GABRR2: variants seen among roughly 807,000 people sequenced by gnomAD.
GABRR2 encodes the protein gamma-aminobutyric acid type A receptor subunit rho2, also known as gamma-aminobutyric acid receptor subunit rho-2.
In GABRR2, 36 loss-of-function variants were observed where a neutral mutation model predicts 47.0. The ratio of observed to expected loss-of-function variants is 0.77; its 90% CI spans 0.59 to 1.01. GABRR2 has a LOEUF of 1.01. Ranked by LOEUF, GABRR2 falls within the 50% of genes least tolerant of loss-of-function variation. The pLI, the probability that GABRR2 is intolerant of heterozygous loss-of-function variation, is 0.00. For missense variants in GABRR2, 587 were observed against 594.6 expected (o/e 0.99, Z 0.13); for synonymous variants, 204 against 227.5 (o/e 0.90, Z 0.93).
At chr6:89,308,178 G>A (rs974950167) in intron 1 of GABRR2, among the ~76,000 whole-genome samples, 3 of 152,132 alleles carry the variant, frequency 2.0e-5, no homozygotes, top group African/African-American at 7.2e-5. Context: ...GAAAGTGATG[G>A]TTTCCTCTCT....
At chr6:89,306,651 G>A (rs142139333) in intron 1 of GABRR2, among the ~76,000 whole-genome samples, 102 of 152,280 alleles carry the variant, frequency 6.7e-4, no homozygotes, top group African/African-American at 2.3e-3. Flanking sequence ...CCAGGTGACG[G>A]CAAAGGAGTG....
intron 2 of GABRR2, among the ~76,000 whole-genome samples, chr6:89,275,762 T>C (rs1308090110): frequency 6.6e-6 from 1 of 152,154 alleles, no homozygotes; most frequent in Admixed American, 6.6e-5. Flanking sequence ...GGGACAGGAT[T>C]AGGGCCCAAG....
chr6:89,291,479 C>G (rs114310069), intron 2 of GABRR2, among the ~76,000 whole-genome samples: 1 of 152,036 alleles, frequency 6.6e-6, no homozygotes, highest in Non-Finnish European at 1.5e-5. Flanking sequence ...TGTCTACACA[C>G]GCACACACTA....
intron 6 of GABRR2, among the ~76,000 whole-genome samples, chr6:89,266,820 CTCTT>C (rs1348413431): frequency 2.0e-5 from 3 of 152,062 alleles, no homozygotes; most frequent in Admixed American, 2.0e-4. Context: ...CTATTTCTCT[CTCTT>C]TATTTTTTTG....
Position 89,271,663 on chromosome 6 carries a change from C to T in GABRR2, c.280G>A (p.Val94Met). 6.2e-7 allele frequency: 1 copy of T among 1,611,484 alleles called. No homozygotes were observed. The highest frequency in any genetic ancestry group is 8.5e-7 in the Non-Finnish European group (1 of 1,178,926). The change falls in exon 3 of 9, where the codon GTG becomes ATG. Residue 94 changes from valine (V) to methionine (M), a missense_variant. Coordinates refer to ENST00000402938, the MANE Select transcript of GABRR2 (RefSeq NM_002043.5). ...TGGAGGCCGCTGCATACCATGTCCA[C>T]CTCGGAGATGCTGTCCAGGCTCTCC... The part of the protein sequence containing the change: ...QVESLDSISE[V>M]DMDFTMTLYL...
intron 3 of GABRR2, among the ~76,000 whole-genome samples, chr6:89,269,643 G>A (rs1031407743): frequency 7.9e-5 from 12 of 152,186 alleles, no homozygotes; most frequent in African/African-American, 2.9e-4. Flanking sequence ...ATTGTCGAAT[G>A]TCTCTCTTAG....
chr6:89,258,728 T>TA (rs58430523), intron 8 of GABRR2, among the ~76,000 whole-genome samples: 17,700 of 140,264 alleles, frequency 0.13, 1,432 homozygotes, highest in African/African-American at 0.23. Context: ...CTCTTTTTTT[T>TA]AAAAAAAAAA....
intron 1 of GABRR2, among the ~76,000 whole-genome samples, chr6:89,304,063 A>G (rs1289215068): frequency 1.3e-5 from 2 of 152,230 alleles, no homozygotes; most frequent in Non-Finnish European, 2.9e-5. Context: ...TTCATGATGG[A>G]GACACCAAAA....
chr6:89,301,982 C>A, intron 1 of GABRR2: 2 of 777,078 alleles, frequency 2.6e-6, no homozygotes, highest in South Asian at 1.5e-5. Context: ...ATTCGTCGAC[C>A]TGGAGCCCGG....
Position 89,263,901 on chromosome 6 carries a change from A to C in GABRR2, c.1086+511T>G, listed in dbSNP as rs1773813909. 2.6e-5 allele frequency among the ~76,000 whole-genome samples: 4 copies of C among 152,182 alleles called. No homozygotes were observed. The South Asian group carries it at 8.3e-4, about 32-fold the overall frequency. On this transcript the variant is annotated intron_variant, in intron 8 of 8. Transcript: ENST00000402938. The stretch of plus-strand genomic sequence containing the variant: ...TTAAAGAAATATATATAAGGTATTT[A>C]GCTTTAGTCCTTACTGTGGCTGAAT...
At chr6:89,267,967 G>T (rs1207817955) in intron 5 of GABRR2, 47 bp downstream of exon 5, 2 of 1,588,480 alleles carry the variant, frequency 1.3e-6, no homozygotes. Flanking sequence ...ATGGCACAAA[G>T]ATCAGAGAGG....
intron 7 of GABRR2, 134 bp from the exon 8 acceptor site, chr6:89,264,742 G>A: frequency 8.6e-7 from 1 of 1,162,706 alleles, no homozygotes; most frequent in Non-Finnish European, 1.2e-6. Flanking sequence ...ACCTCGGAGA[G>A]GGGCAAGGAT....
At chr6:89,268,906 C>T (rs1215548620) in intron 4 of GABRR2, 105 bp downstream of exon 4, 20 of 977,946 alleles carry the variant, frequency 2.0e-5, no homozygotes, top group Non-Finnish European at 3.0e-5. Context: ...CTCCCATCCA[C>T]GAACCCACAG....
intron 2 of GABRR2, among the ~76,000 whole-genome samples, chr6:89,280,666 G>A (rs1177605827): frequency 1.3e-5 from 2 of 152,192 alleles, no homozygotes; most frequent in African/African-American, 2.4e-5. Context: ...CAGCAGAGTG[G>A]GCGGAAATAG....
chr6:89,280,577 C>T (rs1263230945), intron 2 of GABRR2, among the ~76,000 whole-genome samples: 2 of 152,130 alleles, frequency 1.3e-5, no homozygotes, highest in African/African-American at 4.8e-5. Flanking sequence ...CTCCACAGGC[C>T]CTAACAAGGG....
Position 89,315,272 on chromosome 6 carries a change from C to T in GABRR2, c.-107G>A, listed in dbSNP as rs1767743381. On this transcript the variant is annotated 5_prime_UTR_variant, in exon 1 of 9. Coordinates refer to ENST00000402938, the MANE Select transcript of GABRR2 (RefSeq NM_002043.5). ...ATCTGCTGCCTCCTGACGGGCTGCTCTGAGGGGCTGTGAGGGCAAGGCTGG... is the reference window on the plus strand; with the variant it reads ...ATCTGCTGCCTCCTGACGGGCTGCTTTGAGGGGCTGTGAGGGCAAGGCTGG... 6.3e-7 allele frequency: 1 copy of T among 1,583,318 alleles called. No homozygotes were observed. Among genetic ancestry groups the T allele is most frequent in the African/African-American group, 1.3e-5 (1 of 74,098 alleles).
rs188443696 is a variant in GABRR2 at position 89,293,970 on chromosome 6, A to G, written c.220+5789T>C. Among the ~76,000 whole-genome samples the G allele has an allele frequency of 3.2e-4, 49 of 152,290 alleles. No homozygotes were observed. In the East Asian group the frequency reaches 9.4e-3, roughly 29 times the overall value. On this transcript the variant is annotated intron_variant, in intron 2 of 8. Transcript: ENST00000402938. The stretch of plus-strand genomic sequence containing the variant: ...ATTATTAGGAAGCTGACAGATTTTT[A>G]ATCTTTTCTCTTTCTAGACTAAAAA...
chr6:89,299,426 A>G (rs1216023475), intron 2 of GABRR2, among the ~76,000 whole-genome samples: 1 of 152,182 alleles, frequency 6.6e-6, no homozygotes, highest in Non-Finnish European at 1.5e-5. Context: ...CTCTTCCTCT[A>G]TAAAAATGAC....
rs147422782 is a variant in GABRR2, at chr6:89,270,369, G to T, written c.289-1135C>A. ...ACAGGTTGGTGGTTGCTCTGTGAGA[G>T]GCAGGTCATTCTAGATACCTCTCCC... On this transcript the variant is annotated intron_variant, in intron 3 of 8. Coordinates refer to ENST00000402938, the MANE Select transcript of GABRR2 (RefSeq NM_002043.5). 533 of 152,332 alleles carry T rather than the reference G, an allele frequency of 3.5e-3. 3 individuals carry two copies. Among genetic ancestry groups the T allele is most frequent in the Middle Eastern group, 0.01 (3 of 296 alleles). 9.4% of individuals were successfully genotyped at this position (152,332 alleles called of 1,614,324 possible).
Sources: allele counts gnomAD v4.1 joint callset (sites outside exome capture counted in the v4.1 genomes callset), GRCh38; gene constraint gnomAD v4.1.1; transcripts MANE v1.5; gene names NCBI Gene and HGNC (gene_info 2026-07-23, HGNC 2026-07-21).